Variants in AKT2 observed in about 807,000 individuals in gnomAD.
The protein encoded by AKT2 is AKT serine/threonine kinase 2.
AKT2 carries 16 observed loss-of-function variants against 58.6 expected under a neutral mutation model. The observed-to-expected ratio is 0.27, with a 90% CI of 0.18 to 0.41. The LOEUF (loss-of-function observed/expected upper bound fraction) is 0.41. Ranked by LOEUF, AKT2 falls within the 10% of genes least tolerant of loss-of-function variation. The probability of loss-of-function intolerance (pLI) is 1.00; values close to 1 mark genes in which losing one functional copy is unlikely to be tolerated. For missense variants in AKT2, 438 were observed against 661.0 expected, an observed-to-expected ratio of 0.66 and a Z score of 3.70; for synonymous variants, 253 against 254.0, an observed-to-expected ratio of 1.00 and a Z score of 0.04.
At chr19:40,263,082 C>T (rs368718431) in intron 2 of AKT2, among the ~76,000 whole-genome samples, 10 of 152,324 alleles carry the variant, frequency 6.6e-5, no homozygotes, top group African/African-American at 2.2e-4. Context: ...GGTCATCTGG[C>T]CCCTTGTAAC....
chr19:40,272,248 C>T (rs948795196), intron 1 of AKT2, among the ~76,000 whole-genome samples: 1 of 152,244 alleles, frequency 6.6e-6, no homozygotes, highest in Non-Finnish European at 1.5e-5. Flanking sequence ...GAGAGTTAGG[C>T]AGATCTGGAC....
At chr19:40,236,416 A>G (rs751260720) in intron 9 of AKT2, 31 bp from the exon 10 acceptor site, 1 of 1,613,692 alleles carries the variant, frequency 6.2e-7, no homozygotes, top group Non-Finnish European at 8.5e-7. Context: ...TCTCAGGTGC[A>G]TGCTCCCAAG....
chr19:40,258,236 C>T (rs1434295987), intron 2 of AKT2, among the ~76,000 whole-genome samples: 1 of 137,844 alleles, frequency 7.3e-6, no homozygotes, highest in Non-Finnish European at 1.5e-5. Context: ...AAGAGCGAAA[C>T]TCCGTCTCGA....
chr19:40,250,240 C>A (rs1369261174), intron 4 of AKT2, among the ~76,000 whole-genome samples: 1 of 150,018 alleles, frequency 6.7e-6, no homozygotes, highest in Non-Finnish European at 1.5e-5. Context: ...CGGTGGCTCA[C>A]GCTTGTAATC....
rs377374017 is a variant in AKT2 at position 40,233,878 on chromosome 19, G to A, written c.1440C>T (p.Arg480=). The part of the protein sequence containing the change: ...FPQFSYSASI[R]E ...CTCTGCGTGGGCAGACTGCTCACTC[G>A]CGGATGCTGGCCGAGTAGGAGAACT... The change falls in exon 14 of 14, where the codon CGC becomes CGT. Residue 480 remains arginine (R), a synonymous_variant. Transcript: ENST00000392038. The surrounding 1 kb of genome is among the most constrained non-coding windows in gnomAD (Gnocchi z 4.3). 6 of 1,611,408 alleles carry A rather than the reference G, an allele frequency of 3.7e-6. No individual in the cohort carries two copies. Among genetic ancestry groups the A allele is most frequent in the Admixed American group, 1.7e-5 (1 of 60,008 alleles).
intron 1 of AKT2, chr19:40,274,628 GA>G: frequency 3.6e-5 from 8 of 224,308 alleles, no homozygotes; most frequent in South Asian, 2.7e-4. Context: ...ACAGGATGGT[GA>G]CAGAAGGGCG....
chr19:40,254,205 CA>C (rs1975371820), intron 4 of AKT2, among the ~76,000 whole-genome samples: 1 of 152,076 alleles, frequency 6.6e-6, no homozygotes. Context: ...CTCTCTGGAC[CA>C]CCTGCCTCAA....
At chr19:40,269,470 G>C (rs149791524) in intron 1 of AKT2, 1 of 152,282 alleles carries the variant, frequency 6.6e-6, no homozygotes. Flanking sequence ...CTGCTGGCTC[G>C]GATGTAGAGG....
Position 40,242,333 on chromosome 19 carries a change from T to TCCA in AKT2, c.441+198_441+200dup. 1 of 926,802 alleles carries TCCA rather than the reference T, an allele frequency of 1.1e-6. No homozygotes were observed. Among genetic ancestry groups the TCCA allele is most frequent in the South Asian group, 1.5e-5 (1 of 67,484 alleles). The allele number at this position is 926,802 out of a possible 1,614,324, so 57.4% of individuals were successfully genotyped here. On this transcript the variant is annotated intron_variant, in intron 5 of 13. Coordinates refer to ENST00000392038, the MANE Select transcript of AKT2 (RefSeq NM_001626.6). This position sits in a 1 kb window ranked among gnomAD's most constrained non-coding sequence, Gnocchi z 4.3. Reference sequence around the variant, plus strand: ...ACTCCCAGGACGAACCTGCAGTGGGTCCACCCAAGGTTGCTCCCTCCCCTA... The same window carrying TCCA: ...ACTCCCAGGACGAACCTGCAGTGGGTCCACCACCCAAGGTTGCTCCCTCCCCTA...
At chr19:40,266,869 G>A (rs1330005928) in intron 1 of AKT2, among the ~76,000 whole-genome samples, 2 of 152,154 alleles carry the variant, frequency 1.3e-5, no homozygotes, top group African/African-American at 4.8e-5. Context: ...ATTCGAGACA[G>A]GAGGATCACT....
intron 7 of AKT2, chr19:40,239,714 C>CA (rs1224831200): frequency 5.5e-5 from 26 of 475,234 alleles, no homozygotes; most frequent in Non-Finnish European, 7.9e-5. Context: ...AAAACAAAAA[C>CA]AAAAAAAATA....
chr19:40,235,408 G>A lies in AKT2; in HGVS notation c.1176-58C>T. The A allele has an allele frequency of 6.5e-7, 1 of 1,533,244 alleles. No homozygotes were observed. The highest frequency in any genetic ancestry group is 9.0e-7 in the Non-Finnish European group (1 of 1,110,228). 95.0% of individuals were successfully genotyped at this position (1,533,244 alleles called of 1,614,324 possible). On this transcript the variant is annotated intron_variant, in intron 11 of 13. Coordinates refer to ENST00000392038, the MANE Select transcript of AKT2 (RefSeq NM_001626.6). The surrounding 1 kb of genome is among the most constrained non-coding windows in gnomAD (Gnocchi z 6.3). The stretch of plus-strand genomic sequence containing the variant: ...CGGAGCAGCTGGGTTCGGGCAGACG[G>A]GCTTTCGGAGCAGGCAGGCCCTGTA...
Position 40,242,272 on chromosome 19 carries a change from C to T in AKT2, c.442-203G>A, listed in dbSNP as rs1974456989. 9.0e-6 allele frequency: 8 copies of T among 893,820 alleles called. No homozygotes were observed. Among genetic ancestry groups the T allele is most frequent in the Non-Finnish European group, 1.4e-5 (8 of 578,540 alleles). The allele number at this position is 893,820 out of a possible 1,614,324, so 55.4% of individuals were successfully genotyped here. A position where few individuals can be genotyped will look rare whatever the true frequency, so the allele number is the denominator to read the frequency against. On this transcript the variant is annotated intron_variant, in intron 5 of 13. Coordinates refer to ENST00000392038, the MANE Select transcript of AKT2 (RefSeq NM_001626.6). The surrounding 1 kb of genome is among the most constrained non-coding windows in gnomAD (Gnocchi z 4.3). ...CTGCAGGCACAGGGCCTTGGGAGGGCTGGGCTCTGACGTGGGGGTAGCCAG... is the reference window on the plus strand; with the variant it reads ...CTGCAGGCACAGGGCCTTGGGAGGGTTGGGCTCTGACGTGGGGGTAGCCAG...
rs117700627 is a variant in AKT2 at position 40,252,187 on chromosome 19, G to A, written c.287+2971C>T. On this transcript the variant is annotated intron_variant, in intron 4 of 13. Transcript: ENST00000392038. Reference sequence around the variant, plus strand: ...GCTGACATCAGCCTGTGTGGGCCAGGGCTGTGAGGACAGCATCAGTCAGCC... The same window carrying A: ...GCTGACATCAGCCTGTGTGGGCCAGAGCTGTGAGGACAGCATCAGTCAGCC... Among the ~76,000 whole-genome samples, 6 of 152,302 alleles carry A rather than the reference G, an allele frequency of 3.9e-5. No homozygotes were observed. In the East Asian group the frequency reaches 5.8e-4, roughly 15 times the overall value.
intron 2 of AKT2, among the ~76,000 whole-genome samples, chr19:40,264,178 C>T (rs1393661052): frequency 6.6e-6 from 1 of 152,174 alleles, no homozygotes; most frequent in Non-Finnish European, 1.5e-5. Context: ...CAAGTGCACA[C>T]AGGGCAGCCA....
intron 2 of AKT2, among the ~76,000 whole-genome samples, chr19:40,264,866 C>T (rs1216711563): frequency 1.3e-5 from 2 of 152,334 alleles, no homozygotes; most frequent in East Asian, 1.9e-4. Flanking sequence ...TCTCGGAGCC[C>T]GGGGCTATCC....
At position 40,238,747 on chromosome 19, in the gene AKT2, C is replaced by T. The variant is rs566457020; in HGVS notation, c.708+158G>A. On this transcript the variant is annotated intron_variant, in intron 8 of 13. Coordinates refer to ENST00000392038, the MANE Select transcript of AKT2 (RefSeq NM_001626.6). The surrounding 1 kb of genome is among the most constrained non-coding windows in gnomAD (Gnocchi z 5.1). Reference sequence around the variant, plus strand: ...TCTCTGAGCCTCAGTGACTGCCCCCCCAAAATGGAGACGAAGCCGCCTGCC... The same window carrying T: ...TCTCTGAGCCTCAGTGACTGCCCCCTCAAAATGGAGACGAAGCCGCCTGCC... Among the ~76,000 whole-genome samples the T allele has an allele frequency of 6.6e-6, 1 of 152,164 alleles. No individual in the cohort carries two copies. The highest frequency in any genetic ancestry group is 2.4e-5 in the African/African-American group (1 of 41,444).
Position 40,234,533 on chromosome 19 carries a change from C to T in AKT2, c.1366+512G>A. 3.3e-6 allele frequency: 1 copy of T among 304,772 alleles called. No homozygotes were observed. Among genetic ancestry groups the T allele is most frequent in the Non-Finnish European group, 6.1e-6 (1 of 164,308 alleles). 18.9% of individuals were successfully genotyped at this position (304,772 alleles called of 1,614,324 possible). On this transcript the variant is annotated intron_variant, in intron 13 of 13. Coordinates refer to ENST00000392038, the MANE Select transcript of AKT2 (RefSeq NM_001626.6). This position sits in a 1 kb window ranked among gnomAD's most constrained non-coding sequence, Gnocchi z 4.7. ...TCCCACACGTCATTCCTCCGGCCAG[C>T]TGACACGTTTGCTTCCTCCTCTAGA...
chr19:40,260,392 G>A, intron 2 of AKT2, among the ~76,000 whole-genome samples: 1 of 152,122 alleles, frequency 6.6e-6, no homozygotes, highest in East Asian at 1.9e-4. Flanking sequence ...AGCACTTTGG[G>A]AGGCCGAGGT....
Sources: gnomAD v4.1 joint callset for allele counts (sites outside exome capture counted in the v4.1 genomes callset) on GRCh38, gnomAD v4.1.1 for gene constraint, Gnocchi (gnomAD v3.1) non-coding constraint, MANE v1.5 for transcripts, NCBI Gene and HGNC (gene_info 2026-07-23, HGNC 2026-07-21) for gene names.